GSAP: variants seen among roughly 807,000 people sequenced by gnomAD.
GSAP encodes the protein gamma-secretase activating protein, also known as gamma-secretase-activating protein.
In GSAP, 118 loss-of-function variants were observed where a neutral mutation model predicts 131.7. That is an observed-to-expected ratio of 0.90 (90% CI 0.77 to 1.04). GSAP has a LOEUF of 1.04. Ranked by LOEUF, GSAP falls within the 50% of genes least tolerant of loss-of-function variation. GSAP has a pLI of 0.00. For synonymous variants in GSAP, 381 were observed against 363.4 expected, an observed-to-expected ratio of 1.05 and a Z score of -0.55; for missense variants, 1,019 against 1,013.2, an observed-to-expected ratio of 1.01 and a Z score of -0.08.
Position 77,355,556 on chromosome 7 carries a change from T to A in GSAP, c.1119A>T (p.Thr373=), listed in dbSNP as rs755297539. 1 of 1,603,048 alleles carries A rather than the reference T, an allele frequency of 6.2e-7. No individual in the cohort carries two copies. The highest frequency in any genetic ancestry group is 8.5e-7 in the Non-Finnish European group (1 of 1,170,188). ...ACAAGAGAAAAACTATAGCCGTACC[T>A]GTCAGAAAGAGATTGTGGCAGATCA... ...PDLICHNLFL[T]GNNEMIDMLP... The change falls in exon 15 of 31, where the codon ACA becomes ACT. Residue 373 remains threonine (T), a splice_region_variant and synonymous_variant. Transcript: ENST00000257626.
intron 19 of GSAP, among the ~76,000 whole-genome samples, chr7:77,347,026 G>T (rs1792018492): frequency 1.3e-5 from 2 of 150,932 alleles, no homozygotes; most frequent in South Asian, 4.2e-4. Context: ...TGGAGGGAAG[G>T]AATGCTTCCA....
intron 18 of GSAP, chr7:77,351,556 T>TAA: frequency 1.0e-6 from 1 of 985,688 alleles, no homozygotes; most frequent in Non-Finnish European, 1.2e-6. Flanking sequence ...ACAAGAAGTT[T>TAA]AAAGCAACAT....
chr7:77,362,643 A>G lies in GSAP; in HGVS notation c.889T>C (p.Tyr297His), dbSNP rs745413905. The stretch of plus-strand genomic sequence containing the variant: ...CCCCAAGAGGCACACTTCGGGCTGT[A>G]ACATACACACAAACTTCCTAGAAGA... ...TNHTGSLCVC[Y>H]SPKCASWGQI... The change falls in exon 13 of 31, where the codon TAC (tyrosine) becomes CAC (histidine). Residue 297 changes from tyrosine to histidine, a missense_variant. Transcript: ENST00000257626. 4 of 1,571,606 alleles carry G rather than the reference A, an allele frequency of 2.5e-6. No homozygotes were observed. In the African/African-American group the frequency reaches 5.4e-5, roughly 21 times the overall value.
chr7:77,372,140 T>C (rs1052724710), intron 12 of GSAP, among the ~76,000 whole-genome samples: 3 of 152,154 alleles, frequency 2.0e-5, no homozygotes, highest in African/African-American at 2.4e-5. Flanking sequence ...TTACAAATAA[T>C]GTATAAAGGA....
At chr7:77,315,688 C>G (rs1336594245) in intron 26 of GSAP, 1 of 152,276 alleles carries the variant, frequency 6.6e-6, no homozygotes, top group South Asian at 2.1e-4. Context: ...TAACTGGCAG[C>G]TGTGTTAATA....
At chr7:77,345,014 A>G (rs907030430) in intron 19 of GSAP, among the ~76,000 whole-genome samples, 4 of 152,234 alleles carry the variant, frequency 2.6e-5, no homozygotes, top group African/African-American at 9.6e-5. Flanking sequence ...CTGGCCTGGT[A>G]TATGACAACA....
chr7:77,400,752 A>T (rs1281344175), intron 3 of GSAP, among the ~76,000 whole-genome samples: 1 of 152,250 alleles, frequency 6.6e-6, no homozygotes, highest in African/African-American at 2.4e-5. Flanking sequence ...ATGAGGAAAC[A>T]ATAGGCACAA....
intron 18 of GSAP, among the ~76,000 whole-genome samples, chr7:77,350,578 A>G (rs944123867): frequency 2.0e-5 from 3 of 150,366 alleles, no homozygotes; most frequent in Non-Finnish European, 4.5e-5. Flanking sequence ...CTACTAAAAA[A>G]AAAAAAAAAA....
intron 1 of GSAP, among the ~76,000 whole-genome samples, chr7:77,411,340 A>C (rs1200224750): frequency 6.6e-6 from 1 of 152,240 alleles, no homozygotes; most frequent in Non-Finnish European, 1.5e-5. Context: ...CCAGTCTTAA[A>C]TATTGACATT....
At chr7:77,343,691 T>TC (rs1255217617) in intron 19 of GSAP, among the ~76,000 whole-genome samples, 5 of 152,090 alleles carry the variant, frequency 3.3e-5, no homozygotes, top group African/African-American at 7.2e-5. Context: ...TTCCACCTAC[T>TC]CCCCCACTGA....
chr7:77,370,860 G>A (rs1459272731), intron 12 of GSAP, among the ~76,000 whole-genome samples: 1 of 152,106 alleles, frequency 6.6e-6, no homozygotes, highest in African/African-American at 2.4e-5. Flanking sequence ...ACCTAATTCA[G>A]TCATTTCTTT....
intron 3 of GSAP, among the ~76,000 whole-genome samples, chr7:77,399,249 T>TG (rs1800927490): frequency 6.6e-6 from 1 of 152,192 alleles, no homozygotes; most frequent in African/African-American, 2.4e-5. Flanking sequence ...AGACAATTAG[T>TG]GGCTCATGAA....
intron 1 of GSAP, among the ~76,000 whole-genome samples, chr7:77,410,769 G>C (rs1353642303): frequency 6.6e-6 from 1 of 152,136 alleles, no homozygotes; most frequent in African/African-American, 2.4e-5. Flanking sequence ...AAAAATTAAA[G>C]TATTTGTCTT....
chr7:77,328,571 G>T, intron 22 of GSAP, 35 bp downstream of exon 22: 1 of 1,600,222 alleles, frequency 6.2e-7, no homozygotes, highest in Non-Finnish European at 8.5e-7. Flanking sequence ...ACACTGACTG[G>T]AACCCAGAAG....
chr7:77,315,048 C>G (rs1794823700), intron 26 of GSAP: 1 of 152,662 alleles, frequency 6.6e-6, no homozygotes, highest in East Asian at 1.9e-4. Context: ...CATTCTCAAG[C>G]CTGTCTCACG....
intron 14 of GSAP, 62 bp downstream of exon 14, chr7:77,360,762 G>A (rs1380611865): frequency 1.4e-5 from 12 of 858,370 alleles, no homozygotes; most frequent in Non-Finnish European, 2.2e-5. Flanking sequence ...ATAGAAGGCT[G>A]AGGTATACCA....
chr7:77,350,332 G>A (rs1584420949), intron 18 of GSAP, among the ~76,000 whole-genome samples: 1 of 146,988 alleles, frequency 6.8e-6, no homozygotes, highest in South Asian at 2.2e-4. Flanking sequence ...TAAATGACGA[G>A]TTAATGGGTG....
intron 27 of GSAP, 99 bp downstream of exon 27, chr7:77,314,271 G>T: frequency 1.6e-6 from 2 of 1,279,178 alleles, no homozygotes; most frequent in Non-Finnish European, 2.2e-6. Flanking sequence ...TCTGAGTGCA[G>T]CCAGGCTCTT....
At chr7:77,363,353 T>G (rs756653571) in intron 12 of GSAP, among the ~76,000 whole-genome samples, 5 of 152,270 alleles carry the variant, frequency 3.3e-5, no homozygotes, top group African/African-American at 1.2e-4. Context: ...TATGGACTAA[T>G]GTCCATCAGT....
Sources: allele counts gnomAD v4.1 joint callset (sites outside exome capture counted in the v4.1 genomes callset), GRCh38; gene constraint gnomAD v4.1.1; transcripts MANE v1.5; gene names NCBI Gene and HGNC (gene_info 2026-07-23, HGNC 2026-07-21).